C16orf96: variants seen among roughly 807,000 people sequenced by gnomAD.
C16orf96 encodes the protein uncharacterized protein C16orf96.
A neutral mutation model predicts 103.6 loss-of-function variants in C16orf96; 108 were observed. That is an observed-to-expected ratio of 1.04 (90% CI 0.89 to 1.22). The LOEUF (loss-of-function observed/expected upper bound fraction) is 1.22. C16orf96 is among the 50% of genes most tolerant of loss of function. The pLI is 0.00. For synonymous variants in C16orf96, 566 were observed against 593.5 expected (o/e 0.95, Z 0.67); for missense variants, 1,586 against 1,464.2 (o/e 1.08, Z -1.36).
At chr16:4,581,758 G>C (rs145522616) in intron 7 of C16orf96, among the ~76,000 whole-genome samples, 226 of 151,996 alleles carry the variant, frequency 1.5e-3, no homozygotes, top group African/African-American at 3.5e-3. Context: ...AGGAGTTCAA[G>C]ACTTGGCCAA....
intron 1 of C16orf96, among the ~76,000 whole-genome samples, chr16:4,570,131 C>T (rs150082700): frequency 3.0e-4 from 45 of 152,154 alleles, no homozygotes; most frequent in African/African-American, 9.4e-4. Context: ...TTTTGAATTA[C>T]GGAGACGGGA....
the C16orf96 span, among the ~76,000 whole-genome samples, chr16:4,548,196 C>T: frequency 6.6e-6 from 1 of 152,138 alleles, no homozygotes; most frequent in African/African-American, 2.4e-5. Context: ...ATGTTCCTGC[C>T]TCACTCGCTG....
rs1300518498 is a variant in C16orf96 at position 4,592,376 on chromosome 16, C to A, written c.2774+9C>A. The A allele has an allele frequency of 1.9e-6, 3 of 1,551,422 alleles. No homozygotes were observed. In the Admixed American group the frequency reaches 5.9e-5, roughly 30 times the overall value. On this transcript the variant is annotated intron_variant, in intron 11 of 15. Transcript: ENST00000444310. Reference sequence around the variant, plus strand: ...GAGATGATGACTGGCCCGTGAGTACCACCGCCCAGGGTGCCCCGGCCCTAA... The same window carrying A: ...GAGATGATGACTGGCCCGTGAGTACAACCGCCCAGGGTGCCCCGGCCCTAA...
chr16:4,595,128 C>T lies in C16orf96; in HGVS notation c.3127+325C>T, dbSNP rs1303723719. ...GCTGGTGCCAAGGGACGCCAGTCCA[C>T]GGAGGACGGACTGGACAGCTGCCCT... On this transcript the variant is annotated intron_variant, in intron 14 of 15. Transcript: ENST00000444310. 4.6e-5 allele frequency among the ~76,000 whole-genome samples: 7 copies of T among 152,156 alleles called. No individual in the cohort carries two copies. The South Asian group carries it at 6.2e-4, about 14-fold the overall frequency.
At chr16:4,545,571 C>T in the C16orf96 span, among the ~76,000 whole-genome samples, 2 of 152,218 alleles carry the variant, frequency 1.3e-5, no homozygotes, top group African/African-American at 2.4e-5. Context: ...TTCACAACCC[C>T]CATCATCCTC....
intron 5 of C16orf96, 69 bp downstream of exon 5, chr16:4,576,704 GT>G (rs1191737117): frequency 1.8e-5 from 25 of 1,407,646 alleles, no homozygotes; most frequent in Non-Finnish European, 2.3e-5. Context: ...TGAGAAGTGT[GT>G]CCTGTCCTTC....
At chr16:4,568,387 A>G (rs1330205739) in intron 1 of C16orf96, among the ~76,000 whole-genome samples, 1 of 152,114 alleles carries the variant, frequency 6.6e-6, no homozygotes, top group East Asian at 1.9e-4. Flanking sequence ...TATTCCGTAG[A>G]TATCTGTTAT....
intron 6 of C16orf96, 55 bp downstream of exon 6, chr16:4,579,080 C>A (rs2059550058): frequency 6.9e-7 from 1 of 1,457,644 alleles, no homozygotes; most frequent in South Asian, 1.2e-5. Flanking sequence ...GGTGAGCTGG[C>A]TGAAGACTCC....
chr16:4,594,448 A>G lies in C16orf96; in HGVS notation c.2965A>G (p.Lys989Glu), dbSNP rs1897126505. ...CCAAAACGCCACCAGCCTCAAGTGC[A>G]AGTCCTGCAACCTGTTGACGCTCTA... ...GPQNATSLKC[K>E]SCNLLTLYPY... Residue 989 changes from lysine (K) to glutamate (E), a missense_variant, in exon 13 of 16, where the codon AAG becomes GAG. Coordinates refer to ENST00000444310, the MANE Select transcript of C16orf96 (RefSeq NM_001145011.2). 4.5e-6 allele frequency: 7 copies of G among 1,551,554 alleles called. No individual in the cohort carries two copies. Among genetic ancestry groups the G allele is most frequent in the South Asian group, 1.2e-5 (1 of 84,066 alleles).
intron 3 of C16orf96, 46 bp from the exon 4 acceptor site, chr16:4,574,926 G>A (rs1470385777): frequency 6.5e-7 from 1 of 1,534,638 alleles, no homozygotes; most frequent in African/African-American, 1.4e-5. Context: ...GGGGGACACT[G>A]CCCCCTCCAG....
chr16:4,571,022 C>G (rs1429017884), intron 1 of C16orf96, among the ~76,000 whole-genome samples: 1 of 151,902 alleles, frequency 6.6e-6, no homozygotes. Context: ...AAAACAAAAA[C>G]AAAAACAAAA....
chr16:4,597,268 G>A (rs1378793177), intron 14 of C16orf96, among the ~76,000 whole-genome samples: 1 of 152,166 alleles, frequency 6.6e-6, no homozygotes, highest in East Asian at 1.9e-4. Context: ...GGATCACAAC[G>A]GTGGCTAATA....
the C16orf96 span, among the ~76,000 whole-genome samples, chr16:4,549,977 A>T: frequency 6.6e-6 from 1 of 151,920 alleles, no homozygotes; most frequent in African/African-American, 2.4e-5. Context: ...TTCTTTATCA[A>T]TTACCCAGTC....
the C16orf96 span, among the ~76,000 whole-genome samples, chr16:4,547,579 TTCTCCTCTCC>T: frequency 1.3e-5 from 2 of 151,558 alleles, no homozygotes; most frequent in Non-Finnish European, 2.9e-5. Flanking sequence ...GGTACAGGTT[TTCTCCTCTCC>T]TCTCCTCTCC....
At chr16:4,571,520 C>T in intron 1 of C16orf96, 41 bp from the exon 2 acceptor site, 5 of 1,513,512 alleles carry the variant, frequency 3.3e-6, no homozygotes, top group Non-Finnish European at 4.5e-6. Context: ...CCTTCTCCCC[C>T]AGCCATACCC....
At position 4,588,204 on chromosome 16, in the gene C16orf96, G is replaced by C. The variant is rs201958538; in HGVS notation, c.2465G>C (p.Arg822Pro). The C allele has an allele frequency of 1.9e-6, 3 of 1,551,584 alleles. No homozygotes were observed. Among genetic ancestry groups the C allele is most frequent in the Middle Eastern group, 1.7e-4 (1 of 5,982 alleles). The change falls in exon 9 of 16, where the codon CGC becomes CCC. Residue 822 changes from arginine to proline, a missense_variant. By Grantham distance (103) the Arg-to-Pro change is moderately radical. Coordinates refer to ENST00000444310, the MANE Select transcript of C16orf96 (RefSeq NM_001145011.2). Reference sequence around the variant, plus strand: ...AGTGCCCTGGCAGGCAAGGCAAGCCGCGTTGACCTGGAGACTGTGGCCTTG... The same window carrying C: ...AGTGCCCTGGCAGGCAAGGCAAGCCCCGTTGACCTGGAGACTGTGGCCTTG... ...DRSALAGKAS[R>P]VDLETVALEL...
At chr16:4,599,995 C>G (rs1897249840) in intron 15 of C16orf96, 105 bp from the exon 16 acceptor site, 7 of 1,172,702 alleles carry the variant, frequency 6.0e-6, no homozygotes, top group African/African-American at 3.0e-5. Flanking sequence ...TACAGCACTT[C>G]TAGTCCTGGG....
chr16:4,571,996 C>T (rs182853946), intron 2 of C16orf96, among the ~76,000 whole-genome samples: 337 of 151,940 alleles, frequency 2.2e-3, no homozygotes, highest in African/African-American at 7.7e-3. Flanking sequence ...ATTACAGGCA[C>T]GCACCACCAC....
intron 7 of C16orf96, 89 bp downstream of exon 7, chr16:4,580,214 A>T: frequency 1.0e-6 from 1 of 993,966 alleles, no homozygotes; most frequent in East Asian, 3.3e-5. Context: ...GTTCTGCATG[A>T]GGTGGGGATG....
Sources: allele counts gnomAD v4.1 joint callset (sites outside exome capture counted in the v4.1 genomes callset), GRCh38; gene constraint gnomAD v4.1.1; transcripts MANE v1.5; gene names NCBI Gene and HGNC (gene_info 2026-07-23, HGNC 2026-07-21).